Variants in MPP1 observed in about 807,000 individuals in gnomAD.
MPP1 encodes MAGUK p55 scaffold protein 1, also known as 55 kDa erythrocyte membrane protein.
MPP1 carries 6 observed loss-of-function variants against 38.2 expected under a neutral mutation model. The ratio of observed to expected loss-of-function variants is 0.16; its 90% CI spans 0.09 to 0.31. The LOEUF is 0.31. MPP1 is among the 10% of genes least tolerant of loss of function. The pLI is 1.00. For synonymous variants in MPP1, 153 were observed against 146.3 expected (o/e 1.05, Z -0.33); for missense variants, 293 against 368.9 (o/e 0.79, Z 1.69).
Position 154,783,446 on chromosome X carries a change from C to G in MPP1, c.927G>C (p.Lys309Asn). ...KNALLSQNPE[K>N]FVYPVPYTTR... ...ACTTACATGGGACAGGGTACACAAACTTCTCCGGATTCTGGCTGAGCAGGG... is the reference window on the plus strand; with the variant it reads ...ACTTACATGGGACAGGGTACACAAAGTTCTCCGGATTCTGGCTGAGCAGGG... The change falls in exon 9 of 12, where the codon AAG becomes AAC. Residue 309 changes from lysine (K) to asparagine (N), a missense_variant. Coordinates refer to ENST00000369534, the MANE Select transcript of MPP1 (RefSeq NM_002436.4). 1 of 1,210,338 alleles carries G rather than the reference C, an allele frequency of 8.3e-7. No individual in the cohort carries two copies. Among genetic ancestry groups the G allele is most frequent in the Non-Finnish European group, 1.1e-6 (1 of 894,815 alleles).
intron 2 of MPP1, 30 bp from the exon 3 acceptor site, chrX:154,791,877 T>G: frequency 8.7e-7 from 1 of 1,149,728 alleles, no homozygotes; most frequent in Non-Finnish European, 1.2e-6. Context: ...ACAATAAGCT[T>G]TATTTTAAGC....
intron 9 of MPP1, 132 bp downstream of exon 9, chrX:154,783,295 A>G: frequency 3.1e-6 from 1 of 327,196 alleles, no homozygotes; most frequent in Non-Finnish European, 4.9e-6. Flanking sequence ...TTATCTTTCC[A>G]TATTTTGTTT....
intron 4 of MPP1, among the ~76,000 whole-genome samples, chrX:154,790,427 A>C (rs1188315767): frequency 1.9e-5 from 2 of 107,263 alleles, no homozygotes; most frequent in Admixed American, 1.0e-4. Context: ...GCTACTTGGG[A>C]GGTTGAGGCA....
chrX:154,799,084 T>C, intron 1 of MPP1, among the ~76,000 whole-genome samples: 1 of 112,049 alleles, frequency 8.9e-6, no homozygotes, highest in East Asian at 2.8e-4. Flanking sequence ...TTTTTACATG[T>C]CAGCCTTTAA....
chrX:154,796,123 T>C (rs782688652), intron 1 of MPP1, among the ~76,000 whole-genome samples: 21 of 108,633 alleles, frequency 1.9e-4, no homozygotes, highest in Admixed American at 7.9e-4. Context: ...TTTTTCCTTT[T>C]CTTTTCTTTT....
At chrX:154,799,711 G>T (rs1557268461) in intron 1 of MPP1, 1 of 1,140,704 alleles carries the variant, frequency 8.8e-7, no homozygotes, top group Non-Finnish European at 1.2e-6. Context: ...GATGACTGCT[G>T]GGATTCAGGA....
intron 1 of MPP1, among the ~76,000 whole-genome samples, chrX:154,798,657 A>AG (rs781982907): frequency 8.0e-5 from 9 of 112,399 alleles, no homozygotes; most frequent in Non-Finnish European, 1.7e-4. Flanking sequence ...AAGCGACAGC[A>AG]GGAGAGAGGC....
At chrX:154,783,771 C>T in intron 8 of MPP1, 2 of 432,384 alleles carry the variant, frequency 4.6e-6, no homozygotes, top group Non-Finnish European at 4.0e-6. Context: ...CGTATCACTG[C>T]CAGCAGACAG....
At chrX:154,784,957 C>T (rs781927603) in intron 7 of MPP1, 94 bp downstream of exon 7, 6 of 771,406 alleles carry the variant, frequency 7.8e-6, no homozygotes, top group Non-Finnish European at 1.2e-5. Context: ...TTCTGCTGCG[C>T]ACTGCACCAC....
chrX:154,801,758 C>CAAAAAAAAAAAAAAAAAAAAAAAAAAAAA (rs781902044), intron 1 of MPP1, among the ~76,000 whole-genome samples: 1 of 6,851 alleles, frequency 1.5e-4, no homozygotes, highest in African/African-American at 6.4e-4. Flanking sequence ...AACTCTGTCT[C>CAAAAAAAAAAAAAAAAAAAAAAAAAAAAA]AAAAAAAAAA....
Position 154,789,425 on chromosome X carries a change from C to A in MPP1, c.480+529G>T, listed in dbSNP as rs1252048275. Among the ~76,000 whole-genome samples the A allele has an allele frequency of 2.7e-5, 3 of 112,090 alleles. No homozygotes were observed. The East Asian group carries it at 8.4e-4, about 31-fold the overall frequency. ...AACAGATTCTATCTATCTTTTGTTT[C>A]TTTCTTTACTTTGCCACTATCAATC... is the stretch of plus-strand genomic sequence containing the variant. On this transcript the variant is annotated intron_variant, in intron 5 of 11. Coordinates refer to ENST00000369534, the MANE Select transcript of MPP1 (RefSeq NM_002436.4).
intron 1 of MPP1, among the ~76,000 whole-genome samples, chrX:154,797,677 T>C (rs1054638243): frequency 8.9e-6 from 1 of 111,752 alleles, no homozygotes; most frequent in Admixed American, 9.5e-5. Flanking sequence ...TTGAAAAAAA[T>C]AGAAGAAACT....
At position 154,789,912 on chromosome X, in the gene MPP1, G is replaced by A. The variant is rs782714495; in HGVS notation, c.480+42C>T. On this transcript the variant is annotated intron_variant, in intron 5 of 11. Transcript: ENST00000369534. ...CAAAGAATATAAGACAACATGGCCC[G>A]ACTCCTGCCATCATGACAACAGAGA... The A allele has an allele frequency of 1.4e-5, 14 of 977,849 alleles. 1 individual carries two copies. In the South Asian group the frequency reaches 1.9e-4, roughly 13 times the overall value. 80.6% of individuals were successfully genotyped at this position (977,849 alleles called of 1,213,427 possible). A position where few individuals can be genotyped will look rare whatever the true frequency, so the allele number is the denominator to read the frequency against.
chrX:154,799,213 C>T (rs1220415246), intron 1 of MPP1, among the ~76,000 whole-genome samples: 5 of 112,339 alleles, frequency 4.5e-5, no homozygotes, highest in African/African-American at 1.3e-4. Flanking sequence ...TTCCTCTTTA[C>T]GATGACTAAG....
intron 1 of MPP1, among the ~76,000 whole-genome samples, chrX:154,801,590 C>T (rs2664165): frequency 9.3e-6 from 1 of 108,103 alleles, no homozygotes; most frequent in Middle Eastern, 4.3e-3. Context: ...GAAAACCTGT[C>T]TCTATCAAAA....
At chrX:154,790,653 C>T (rs987695742) in intron 4 of MPP1, among the ~76,000 whole-genome samples, 56 of 111,389 alleles carry the variant, frequency 5.0e-4, no homozygotes, top group African/African-American at 1.8e-3. Context: ...AAAAGCATTA[C>T]AAATATTTAC....
chrX:154,796,695 G>T (rs1359784197), intron 1 of MPP1, among the ~76,000 whole-genome samples: 1 of 112,233 alleles, frequency 8.9e-6, no homozygotes, highest in Admixed American at 9.5e-5. Context: ...AACAAATCAT[G>T]AAACAAATAA....
At chrX:154,785,307 G>A (rs1352023145) in intron 6 of MPP1, 150 bp from the exon 7 acceptor site, 2 of 459,307 alleles carry the variant, frequency 4.4e-6, no homozygotes, top group Non-Finnish European at 7.2e-6. Context: ...TACACTGTTT[G>A]GTGCATCTTG....
At chrX:154,784,265 G>A (rs1283988668) in intron 7 of MPP1, among the ~76,000 whole-genome samples, 157 bp from the exon 8 acceptor site, 1 of 110,793 alleles carries the variant, frequency 9.0e-6, no homozygotes, top group Non-Finnish European at 1.9e-5. Context: ...AAGGACTTTG[G>A]ACTGTATTTT....
Sources: gnomAD v4.1 joint callset for allele counts (sites outside exome capture counted in the v4.1 genomes callset) on GRCh38, gnomAD v4.1.1 for gene constraint, MANE v1.5 for transcripts, NCBI Gene and HGNC (gene_info 2026-07-23, HGNC 2026-07-21) for gene names.